Variants in IGFL2 observed in about 807,000 individuals in gnomAD.
The protein encoded by IGFL2 is insulin growth factor-like family member 2.
A neutral mutation model predicts 13.9 loss-of-function variants in IGFL2; 7 were observed. The ratio of observed to expected loss-of-function variants is 0.51; its 90% CI spans 0.29 to 0.95. The LOEUF is 0.95. IGFL2 is among the 40% of genes least tolerant of loss of function. The pLI is 0.08. For synonymous variants in IGFL2, 55 were observed against 55.8 expected (o/e 0.99, Z 0.07); for missense variants, 138 against 147.8 (o/e 0.93, Z 0.34).
the IGFL2 span, among the ~76,000 whole-genome samples, chr19:46,196,472 AT>A: frequency 4.6e-5 from 7 of 151,408 alleles, no homozygotes; most frequent in African/African-American, 1.7e-4. Context: ...CCCCAAACTT[AT>A]GCCTAGCCCT....
At chr19:46,172,543 C>T in the IGFL2 span, among the ~76,000 whole-genome samples, 14 of 152,190 alleles carry the variant, frequency 9.2e-5, no homozygotes, top group Admixed American at 4.6e-4. Context: ...TCTTGAACTC[C>T]GGAACTCAAA....
the IGFL2 span, chr19:46,111,952 A>T: frequency 6.6e-6 from 1 of 152,258 alleles, no homozygotes; most frequent in Non-Finnish European, 1.5e-5. Context: ...TTACATTATG[A>T]TGAAATGGTG....
chr19:46,085,114 C>G, the IGFL2 span, among the ~76,000 whole-genome samples: 2 of 152,126 alleles, frequency 1.3e-5, no homozygotes, highest in Non-Finnish European at 2.9e-5. Context: ...GCTACAGGCC[C>G]CAATGCAAGT....
At chr19:46,104,156 C>T in the IGFL2 span, among the ~76,000 whole-genome samples, 2 of 152,096 alleles carry the variant, frequency 1.3e-5, no homozygotes, top group Admixed American at 6.5e-5. Context: ...GGAAGATAGT[C>T]GCCTAGAGGG....
At chr19:46,084,423 C>G in the IGFL2 span, among the ~76,000 whole-genome samples, 2 of 152,194 alleles carry the variant, frequency 1.3e-5, no homozygotes, top group Admixed American at 1.3e-4. Context: ...GCATTGCTCT[C>G]TCTCTTTACT....
chr19:46,087,836 G>T, the IGFL2 span, among the ~76,000 whole-genome samples: 1 of 152,242 alleles, frequency 6.6e-6, no homozygotes, highest in Non-Finnish European at 1.5e-5. Context: ...GGGATATCGG[G>T]ATGTGAGGGC....
At chr19:46,190,069 G>T in the IGFL2 span, 16 of 152,170 alleles carry the variant, frequency 1.1e-4, no homozygotes, top group Non-Finnish European at 2.1e-4. Flanking sequence ...TAAACACGGT[G>T]TTATGTGTCA....
the IGFL2 span, among the ~76,000 whole-genome samples, chr19:46,109,800 A>G: frequency 2.6e-5 from 4 of 152,214 alleles, no homozygotes; most frequent in African/African-American, 9.6e-5. Flanking sequence ...CAGAAAGTCA[A>G]TTGATCAGTT....
At chr19:46,125,222 C>T in the IGFL2 span, among the ~76,000 whole-genome samples, 1 of 152,146 alleles carries the variant, frequency 6.6e-6, no homozygotes, top group African/African-American at 2.4e-5. Flanking sequence ...CTGGAAACTC[C>T]AATAAAGGGG....
the IGFL2 span, among the ~76,000 whole-genome samples, chr19:46,086,519 C>G: frequency 6.6e-6 from 1 of 151,994 alleles, no homozygotes; most frequent in African/African-American, 2.4e-5. Flanking sequence ...AGACAGGGTT[C>G]CACCATGTTG....
the IGFL2 span, among the ~76,000 whole-genome samples, chr19:46,187,548 A>T: frequency 2.7e-4 from 24 of 89,184 alleles, no homozygotes; most frequent in African/African-American, 3.8e-4. Context: ...AACCCGTTTA[A>T]ACCTGAGGTT....
At chr19:46,172,702 C>T in the IGFL2 span, among the ~76,000 whole-genome samples, 7 of 152,280 alleles carry the variant, frequency 4.6e-5, no homozygotes, top group East Asian at 1.2e-3. Context: ...TATAATCTTC[C>T]TCACTTTGAT....
At chr19:46,172,915 G>T in the IGFL2 span, among the ~76,000 whole-genome samples, 9 of 152,096 alleles carry the variant, frequency 5.9e-5, no homozygotes, top group African/African-American at 2.2e-4. Context: ...TGAGTCCTCT[G>T]CTTTTTGTCT....
chr19:46,137,516 G>A, the IGFL2 span: 3 of 1,102,214 alleles, frequency 2.7e-6, no homozygotes, highest in African/African-American at 3.1e-5. Flanking sequence ...GCCTGAGCCA[G>A]AGGATGAAGG....
Position 46,160,348 on chromosome 19 carries a change from C to T in IGFL2, c.20-67C>T, listed in dbSNP as rs541231508. The T allele has an allele frequency of 6.8e-6, 10 of 1,461,568 alleles. No homozygotes were observed. In the Admixed American group the frequency reaches 1.1e-4, roughly 16 times the overall value. The allele number at this position is 1,461,568 out of a possible 1,614,324, so 90.5% of individuals were successfully genotyped here. On this transcript the variant is annotated intron_variant, in intron 1 of 3. Coordinates refer to ENST00000377693, the MANE Select transcript of IGFL2 (RefSeq NM_001135113.2). ...TAAGCCTTCCCCACCCTGGCCTGCCCTCCCTGAGATCAACCTAGTGGCCAC... is the reference window on the plus strand; with the variant it reads ...TAAGCCTTCCCCACCCTGGCCTGCCTTCCCTGAGATCAACCTAGTGGCCAC...
chr19:46,203,428 A>C, the IGFL2 span: 1 of 152,550 alleles, frequency 6.6e-6, no homozygotes. Context: ...GGCCAGCTGC[A>C]CTAGAGCTGC....
chr19:46,211,366 C>T, the IGFL2 span, among the ~76,000 whole-genome samples: 1 of 152,186 alleles, frequency 6.6e-6, no homozygotes, highest in Non-Finnish European at 1.5e-5. Flanking sequence ...GGCCTCTGGC[C>T]TGGGGAAACC....
the IGFL2 span, among the ~76,000 whole-genome samples, chr19:46,178,970 G>C: frequency 6.6e-6 from 1 of 151,898 alleles, no homozygotes; most frequent in Non-Finnish European, 1.5e-5. Flanking sequence ...ATATTTTACA[G>C]AGTTTGGTTT....
the IGFL2 span, among the ~76,000 whole-genome samples, chr19:46,201,836 TTTG>T: frequency 2.0e-5 from 3 of 152,116 alleles, no homozygotes; most frequent in Non-Finnish European, 4.4e-5. Context: ...AGTGGATAAT[TTTG>T]TTAAGATGTA....
Sources: gnomAD v4.1 joint callset for allele counts (sites outside exome capture counted in the v4.1 genomes callset) on GRCh38, gnomAD v4.1.1 for gene constraint, MANE v1.5 for transcripts, NCBI Gene and HGNC (gene_info 2026-07-23, HGNC 2026-07-21) for gene names.